Variants in SGPP1 observed in about 807,000 individuals in gnomAD.
The protein encoded by SGPP1 is hSPP1.
A neutral mutation model predicts 33.0 loss-of-function variants in SGPP1; 21 were observed. That is an observed-to-expected ratio of 0.64 (90% CI 0.45 to 0.92). SGPP1 has a LOEUF of 0.92. Ranked by LOEUF, SGPP1 falls within the 40% of genes least tolerant of loss-of-function variation. SGPP1 has a pLI of 0.00. For missense variants in SGPP1, 543 were observed against 589.4 expected (o/e 0.92, Z 0.81); for synonymous variants, 239 against 241.2 (o/e 0.99, Z 0.08).
intron 1 of SGPP1, among the ~76,000 whole-genome samples, chr14:63,706,114 T>G (rs1157391425): frequency 6.6e-6 from 1 of 152,264 alleles, no homozygotes; most frequent in African/African-American, 2.4e-5. Flanking sequence ...AATGAAGTAC[T>G]GATGCATGCT....
chr14:63,686,744 T>A, intron 2 of SGPP1, 88 bp from the exon 3 acceptor site: 1 of 954,628 alleles, frequency 1.0e-6, no homozygotes. Flanking sequence ...ATTTCAAATG[T>A]TGAATATACA....
intron 1 of SGPP1, among the ~76,000 whole-genome samples, chr14:63,705,721 A>T (rs1391993081): frequency 6.6e-6 from 1 of 152,144 alleles, no homozygotes; most frequent in Non-Finnish European, 1.5e-5. Context: ...GTGAGGTACA[A>T]CTTCATACTC....
rs778550479 is a variant in SGPP1, at chr14:63,727,507, C to T, written c.438G>A (p.Leu146=). The change falls in exon 1 of 3, where the codon CTG becomes CTA. Residue 146 remains leucine (L), a synonymous_variant. Coordinates refer to ENST00000247225, the MANE Select transcript of SGPP1 (RefSeq NM_030791.4). ...TELGNELFYI[L]FFPFWIWNLD... ...GGTTCCAGATCCAGAAGGGGAAGAA[C>T]AGGATGTAGAAGAGTTCGTTGCCCA... is the stretch of plus-strand genomic sequence containing the variant. 3 of 1,614,036 alleles carry T rather than the reference C, an allele frequency of 1.9e-6. No individual in the cohort carries two copies. The highest frequency in any genetic ancestry group is 1.7e-6 in the Non-Finnish European group (2 of 1,180,034).
intron 1 of SGPP1, among the ~76,000 whole-genome samples, chr14:63,717,893 G>A (rs1885668249): frequency 6.6e-6 from 1 of 152,120 alleles, no homozygotes; most frequent in African/African-American, 2.4e-5. Flanking sequence ...AAGAATTTCA[G>A]CAGATATTTT....
intron 1 of SGPP1, among the ~76,000 whole-genome samples, chr14:63,699,621 T>C (rs1455335535): frequency 6.6e-6 from 1 of 152,184 alleles, no homozygotes; most frequent in Non-Finnish European, 1.5e-5. Context: ...GCTGAAGTAC[T>C]GAGGCTATTC....
At chr14:63,718,770 G>C (rs886982026) in intron 1 of SGPP1, among the ~76,000 whole-genome samples, 5 of 150,900 alleles carry the variant, frequency 3.3e-5, no homozygotes, top group African/African-American at 1.2e-4. Context: ...GTAAAGATCA[G>C]TAAGTAAAAT....
intron 1 of SGPP1, among the ~76,000 whole-genome samples, chr14:63,712,390 T>C (rs1001955208): frequency 1.3e-5 from 2 of 152,120 alleles, no homozygotes; most frequent in Admixed American, 1.3e-4. Flanking sequence ...CTTCCCCCAC[T>C]TGGACCCAGC....
intron 1 of SGPP1, among the ~76,000 whole-genome samples, chr14:63,699,507 A>G (rs147280395): frequency 1.3e-5 from 2 of 152,148 alleles, no homozygotes; most frequent in African/African-American, 4.8e-5. Flanking sequence ...GACTTAAGTA[A>G]GCTTGTAAGA....
Position 63,698,453 on chromosome 14 carries a change from G to A in SGPP1, c.774+116C>T, listed in dbSNP as rs866211647. On this transcript the variant is annotated intron_variant, in intron 2 of 2. Transcript: ENST00000247225. The stretch of plus-strand genomic sequence containing the variant: ...ATATTTTCGCAAAACAAAGTTAGAC[G>A]ACTTACAATATTTTCTCATTTAGGC... 1.2e-4 allele frequency: 61 copies of A among 494,536 alleles called. 1 individual carries two copies. The highest frequency in any genetic ancestry group is 5.1e-4 in the Middle Eastern group (1 of 1,980). The allele number at this position is 494,536 out of a possible 1,614,324, so 30.6% of individuals were successfully genotyped here.
At chr14:63,695,251 T>C (rs184130185) in intron 2 of SGPP1, among the ~76,000 whole-genome samples, 1,768 of 152,144 alleles carry the variant, frequency 0.012, 19 homozygotes, top group Middle Eastern at 0.02. Flanking sequence ...AGAGACGGGG[T>C]TTCACCGTGT....
intron 1 of SGPP1, among the ~76,000 whole-genome samples, chr14:63,722,249 G>A (rs948425118): frequency 2.0e-5 from 3 of 151,876 alleles, no homozygotes; most frequent in African/African-American, 7.3e-5. Flanking sequence ...TAACAGCTGG[G>A]CGCAGTGGCT....
At chr14:63,704,172 G>T (rs924838971) in intron 1 of SGPP1, among the ~76,000 whole-genome samples, 2 of 152,034 alleles carry the variant, frequency 1.3e-5, no homozygotes, top group Non-Finnish European at 1.5e-5. Flanking sequence ...CTGAAAAGCT[G>T]ATCCTCAAAT....
intron 1 of SGPP1, among the ~76,000 whole-genome samples, chr14:63,713,762 G>T (rs2034810353): frequency 6.6e-6 from 1 of 152,148 alleles, no homozygotes; most frequent in Non-Finnish European, 1.5e-5. Flanking sequence ...CATACATATG[G>T]GTGTGAAGTT....
intron 1 of SGPP1, among the ~76,000 whole-genome samples, chr14:63,720,142 AAC>A (rs1479886722): frequency 6.6e-6 from 1 of 151,088 alleles, no homozygotes; most frequent in African/African-American, 2.4e-5. Flanking sequence ...AAAAAAAAAA[AAC>A]ATGCTGGGCA....
chr14:63,705,887 T>C (rs1885400571), intron 1 of SGPP1, among the ~76,000 whole-genome samples: 1 of 152,178 alleles, frequency 6.6e-6, no homozygotes, highest in African/African-American at 2.4e-5. Context: ...CCTCAAAAAG[T>C]TAAACACAGA....
In SGPP1 at chr14:63,686,083, T is replaced by C. The variant is rs746243832; in HGVS notation, c.*22A>G. 2.7e-6 allele frequency: 4 copies of C among 1,459,684 alleles called. No individual in the cohort carries two copies. The highest frequency in any genetic ancestry group is 2.3e-5 in the Admixed American group (1 of 43,694). The allele number at this position is 1,459,684 out of a possible 1,614,324, so 90.4% of individuals were successfully genotyped here. On this transcript the variant is annotated 3_prime_UTR_variant, in exon 3 of 3. Transcript: ENST00000247225. ...ATCAGTAACTGATACCCTCCTTTCTTATCATAAACAATACTTCTCCATCAA... is the reference window on the plus strand; with the variant it reads ...ATCAGTAACTGATACCCTCCTTTCTCATCATAAACAATACTTCTCCATCAA...
chr14:63,707,201 G>T (rs1885426251), intron 1 of SGPP1, among the ~76,000 whole-genome samples: 1 of 151,884 alleles, frequency 6.6e-6, no homozygotes, highest in Non-Finnish European at 1.5e-5. Flanking sequence ...AAGTTACAAA[G>T]AATCAGTTTA....
At chr14:63,697,895 G>A (rs760269928) in intron 2 of SGPP1, among the ~76,000 whole-genome samples, 1 of 152,192 alleles carries the variant, frequency 6.6e-6, no homozygotes, top group Non-Finnish European at 1.5e-5. Flanking sequence ...CTGAATGCTA[G>A]TGGAGCAGTG....
Position 63,727,464 on chromosome 14 carries a change from G to A in SGPP1, c.481C>T (p.Arg161Trp). ...AGCACCCAGATGACCACGAGCCTCC[G>A]GCCCACCAGAGGGTCCAGGTTCCAG... ...WIWNLDPLVG[R>W]RLVVIWVLVM... Residue 161 changes from arginine to tryptophan, a missense_variant, in exon 1 of 3, where the codon CGG (arginine) becomes TGG (tryptophan). Arg to Trp is a moderately radical substitution (Grantham distance 101, BLOSUM62 -3). Transcript: ENST00000247225. The A allele has an allele frequency of 6.2e-7, 1 of 1,614,118 alleles. No individual in the cohort carries two copies. The highest frequency in any genetic ancestry group is 8.5e-7 in the Non-Finnish European group (1 of 1,180,020).
Sources: allele counts gnomAD v4.1 joint callset (sites outside exome capture counted in the v4.1 genomes callset), GRCh38; gene constraint gnomAD v4.1.1; transcripts MANE v1.5; gene names NCBI Gene and HGNC (gene_info 2026-07-23, HGNC 2026-07-21).